Variants in TENM3 observed in about 807,000 individuals in gnomAD.
TENM3 encodes the protein teneurin transmembrane protein 3, also known as teneurin-3.
In TENM3, 63 loss-of-function variants were observed where a neutral mutation model predicts 255.1. The observed-to-expected ratio is 0.25, with a 90% CI of 0.20 to 0.30. The LOEUF (loss-of-function observed/expected upper bound fraction) is 0.30. Among genes scored for constraint, TENM3 ranks in the 10% least tolerant of loss-of-function variants. The probability of loss-of-function intolerance (pLI) is 1.00; values close to 1 mark genes in which losing one functional copy is unlikely to be tolerated. For synonymous variants in TENM3, 1,306 were observed against 1,322.3 expected (o/e 0.99, Z 0.27); for missense variants, 2,929 against 3,461.1 (o/e 0.85, Z 3.86).
chr4:181,796,511 A>G, the TENM3 span, among the ~76,000 whole-genome samples: 1 of 152,178 alleles, frequency 6.6e-6, no homozygotes, highest in African/African-American at 2.4e-5. Flanking sequence ...AAGATCTTCA[A>G]GGCAGAGGGC....
the TENM3 span, among the ~76,000 whole-genome samples, chr4:182,096,619 C>A: frequency 1.4e-3 from 210 of 152,248 alleles, no homozygotes; most frequent in African/African-American, 4.8e-3. Flanking sequence ...CTTTACCATC[C>A]TGCCAAAAAT....
chr4:181,724,106 G>A, the TENM3 span, among the ~76,000 whole-genome samples: 1 of 152,212 alleles, frequency 6.6e-6, no homozygotes, highest in Non-Finnish European at 1.5e-5. Context: ...TGCACATGCA[G>A]GTAAAATCCA....
At chr4:182,713,441 T>C (rs1758908759) in intron 12 of TENM3, among the ~76,000 whole-genome samples, 1 of 152,238 alleles carries the variant, frequency 6.6e-6, no homozygotes. Flanking sequence ...CACTATTTCC[T>C]GGGCTTTGCT....
intron 6 of TENM3, among the ~76,000 whole-genome samples, chr4:182,657,156 CAT>C (rs1753826135): frequency 6.6e-6 from 1 of 152,180 alleles, no homozygotes; most frequent in South Asian, 2.1e-4. Context: ...TAACCTTCAG[CAT>C]GTTACTTCAC....
chr4:181,657,578 T>G, the TENM3 span, among the ~76,000 whole-genome samples: 1 of 152,118 alleles, frequency 6.6e-6, no homozygotes, highest in South Asian at 2.1e-4. Context: ...AGAAAGCACT[T>G]TGGAGGTTTC....
At chr4:181,766,099 T>A in the TENM3 span, among the ~76,000 whole-genome samples, 2 of 152,090 alleles carry the variant, frequency 1.3e-5, no homozygotes, top group Admixed American at 6.5e-5. Flanking sequence ...CTCTGCATGT[T>A]TGGGAGCCCT....
chr4:182,539,329 A>G (rs1740638315), intron 3 of TENM3, among the ~76,000 whole-genome samples: 2 of 151,982 alleles, frequency 1.3e-5, no homozygotes, highest in Non-Finnish European at 1.5e-5. Context: ...TGCTTGATTC[A>G]TTTACGTGGA....
chr4:181,772,195 T>C, the TENM3 span, among the ~76,000 whole-genome samples: 1 of 151,932 alleles, frequency 6.6e-6, no homozygotes, highest in Non-Finnish European at 1.5e-5. Context: ...TTGGCCAACA[T>C]GGTGAAACAC....
intron 3 of TENM3, among the ~76,000 whole-genome samples, chr4:182,352,726 T>C (rs1476324314): frequency 6.6e-6 from 1 of 152,202 alleles, no homozygotes; most frequent in Non-Finnish European, 1.5e-5. Context: ...GTCTACTTTC[T>C]GTATGGAGAG....
chr4:182,158,882 T>C (rs889099111), intron 1 of TENM3, among the ~76,000 whole-genome samples: 1 of 152,216 alleles, frequency 6.6e-6, no homozygotes, highest in African/African-American at 2.4e-5. Context: ...TAATGTTAAA[T>C]GTGATACATT....
the TENM3 span, among the ~76,000 whole-genome samples, chr4:181,465,650 G>A: frequency 6.6e-6 from 1 of 152,216 alleles, no homozygotes; most frequent in South Asian, 2.1e-4. Flanking sequence ...ATTTTTGTAG[G>A]CATATATAGC....
chr4:181,598,875 C>G, the TENM3 span, among the ~76,000 whole-genome samples: 1 of 152,066 alleles, frequency 6.6e-6, no homozygotes, highest in Non-Finnish European at 1.5e-5. Flanking sequence ...TTTAAACACG[C>G]AGGTTTTTCA....
At chr4:181,569,792 G>T in the TENM3 span, among the ~76,000 whole-genome samples, 2 of 152,220 alleles carry the variant, frequency 1.3e-5, no homozygotes, top group South Asian at 4.1e-4. Flanking sequence ...AAAGAACCAG[G>T]CTCCAGAACT....
chr4:182,691,384 A>G (rs1041307676), intron 12 of TENM3, among the ~76,000 whole-genome samples: 2 of 152,244 alleles, frequency 1.3e-5, no homozygotes, highest in Non-Finnish European at 2.9e-5. Context: ...ATGGAGGAGA[A>G]AGTAAACAGA....
At chr4:182,383,941 C>T (rs1767735449) in intron 3 of TENM3, among the ~76,000 whole-genome samples, 1 of 152,152 alleles carries the variant, frequency 6.6e-6, no homozygotes, top group Non-Finnish European at 1.5e-5. Flanking sequence ...CTGCCAGAGG[C>T]AGGACCGTAT....
chr4:182,534,431 A>G (rs1740083342), intron 3 of TENM3, among the ~76,000 whole-genome samples: 1 of 152,228 alleles, frequency 6.6e-6, no homozygotes, highest in South Asian at 2.1e-4. Context: ...CAAAGCAGAA[A>G]GCAAGGCTGA....
chr4:182,565,543 A>G (rs1191175978), intron 3 of TENM3, among the ~76,000 whole-genome samples: 1 of 152,230 alleles, frequency 6.6e-6, no homozygotes, highest in Non-Finnish European at 1.5e-5. Flanking sequence ...AAGTACCTCC[A>G]GGAATGACCT....
At chr4:182,439,447 T>C (rs1327359712) in intron 3 of TENM3, among the ~76,000 whole-genome samples, 2 of 152,236 alleles carry the variant, frequency 1.3e-5, no homozygotes, top group African/African-American at 4.8e-5. Context: ...ACAGGGTATT[T>C]TAAATAATGG....
At chr4:182,606,164 T>A (rs6846424) in intron 4 of TENM3, among the ~76,000 whole-genome samples, 96,532 of 152,064 alleles carry the variant, frequency 0.63, 32,987 homozygotes, top group East Asian at 0.92. Context: ...AAAATAATAC[T>A]TAAAATATTT....
Sources: allele counts gnomAD v4.1 joint callset (sites outside exome capture counted in the v4.1 genomes callset), GRCh38; gene constraint gnomAD v4.1.1; transcripts MANE v1.5; gene names NCBI Gene and HGNC (gene_info 2026-07-23, HGNC 2026-07-21).